Variants in PALD1 observed in about 807,000 individuals in gnomAD.
PALD1 encodes phosphatase domain containing paladin 1.
In PALD1, 57 loss-of-function variants were observed where a neutral mutation model predicts 96.0. That is an observed-to-expected ratio of 0.59 (90% CI 0.48 to 0.74). The LOEUF (loss-of-function observed/expected upper bound fraction) is 0.74. Ranked by LOEUF, PALD1 falls within the 30% of genes least tolerant of loss-of-function variation. PALD1 has a pLI of 0.00. For synonymous variants in PALD1, 464 were observed against 473.6 expected, an observed-to-expected ratio of 0.98 and a Z score of 0.26; for missense variants, 1,063 against 1,143.7, an observed-to-expected ratio of 0.93 and a Z score of 1.02.
At chr10:70,536,981 C>CT (rs1489966883) in intron 10 of PALD1, among the ~76,000 whole-genome samples, 2 of 152,200 alleles carry the variant, frequency 1.3e-5, no homozygotes, top group African/African-American at 4.8e-5. Context: ...AGCTGTGTGA[C>CT]TTTAAGGAAG....
At chr10:70,464,163 A>C in the PALD1 span, among the ~76,000 whole-genome samples, 1 of 150,204 alleles carries the variant, frequency 6.7e-6, no homozygotes, top group African/African-American at 2.5e-5. Flanking sequence ...CTGTCCCTGG[A>C]CTTCATATAA....
chr10:70,468,691 A>G, the PALD1 span, among the ~76,000 whole-genome samples: 10 of 143,624 alleles, frequency 7.0e-5, no homozygotes, highest in Non-Finnish European at 1.4e-4. Context: ...ACCCTAGCCC[A>G]TGAGGCAGGA....
Position 70,531,373 on chromosome 10 carries a change from C to T in PALD1, c.552C>T (p.Asp184=), listed in dbSNP as rs761612699. 3 of 1,614,052 alleles carry T rather than the reference C, an allele frequency of 1.9e-6. No homozygotes were observed. The East Asian group carries it at 6.7e-5, about 36-fold the overall frequency. ...DEDFVSYTPR[D]KQNLHENLQG... is the part of the protein sequence containing the mutation. ...ACTTTGTGTCCTACACACCTCGAGA[C>T]AAGCAGAACCTTCATGAGAACCTCC... The change falls in exon 5 of 20, where the codon GAC becomes GAT. Residue 184 remains aspartate (D), a synonymous_variant. Transcript: ENST00000263563.
chr10:70,503,080 A>G (rs915248378), intron 1 of PALD1, among the ~76,000 whole-genome samples: 8 of 151,802 alleles, frequency 5.3e-5, no homozygotes, highest in Admixed American at 1.3e-4. Context: ...GGGTTTCTCC[A>G]TGTTGGTCAG....
Position 70,541,512 on chromosome 10 carries a change from A to G in PALD1, c.2099A>G (p.Lys700Arg), listed in dbSNP as rs79311679. The change falls in exon 17 of 20, where the codon AAG (lysine) becomes AGG (arginine). Residue 700 changes from lysine (K) to arginine (R), a missense_variant. Coordinates refer to ENST00000263563, the MANE Select transcript of PALD1 (RefSeq NM_014431.3). ...GAGCTCGTGAGTGTGCCTGATGCCAAGTTCACTAAGGGTGAATTTCAGGTG... is the reference window on the plus strand; with the variant it reads ...GAGCTCGTGAGTGTGCCTGATGCCAGGTTCACTAAGGGTGAATTTCAGGTG... ...EEELVSVPDA[K>R]FTKGEFQVVM... 2,376 of 1,613,590 alleles carry G rather than the reference A, an allele frequency of 1.5e-3. 39 individuals carry two copies. In the African/African-American group the frequency reaches 0.028, roughly 19 times the overall value.
chr10:70,497,636 G>A (rs752736179), intron 1 of PALD1, among the ~76,000 whole-genome samples: 2 of 150,668 alleles, frequency 1.3e-5, no homozygotes, highest in Non-Finnish European at 1.5e-5. Context: ...GCGCGATCTC[G>A]GCCCACTGCA....
At chr10:70,556,606 C>T (rs1185018301) in intron 18 of PALD1, among the ~76,000 whole-genome samples, 1 of 152,152 alleles carries the variant, frequency 6.6e-6, no homozygotes, top group Non-Finnish European at 1.5e-5. Context: ...GTGTGAGCCA[C>T]CATACCTGGC....
chr10:70,532,810 C>G (rs376749708), intron 6 of PALD1, 29 bp downstream of exon 6: 2 of 1,610,532 alleles, frequency 1.2e-6, no homozygotes, highest in Non-Finnish European at 1.7e-6. Flanking sequence ...CAGCCCTGGC[C>G]ATGGGTGCTC....
Position 70,566,862 on chromosome 10 carries a change from T to C in PALD1, c.*129T>C. 1.6e-6 allele frequency: 1 copy of C among 625,098 alleles called. No homozygotes were observed. The highest frequency in any genetic ancestry group is 2.7e-6 in the Non-Finnish European group (1 of 365,492). 38.7% of individuals were successfully genotyped at this position (625,098 alleles called of 1,614,324 possible). On this transcript the variant is annotated 3_prime_UTR_variant, in exon 20 of 20. Coordinates refer to ENST00000263563, the MANE Select transcript of PALD1 (RefSeq NM_014431.3). ...TGATTCCCCCACTTCCTGGAGAGAC[T>C]GAGCGGAGTTGGGAGCCTTTTTAGA...
the PALD1 span, among the ~76,000 whole-genome samples, chr10:70,458,858 T>C: frequency 2.0e-5 from 3 of 152,198 alleles, no homozygotes; most frequent in African/African-American, 7.2e-5. Flanking sequence ...ATGTGCCTGC[T>C]TGGTAAATTG....
rs1023518186 is a variant in PALD1 at position 70,540,039 on chromosome 10, A to G, written c.1908+277A>G. On this transcript the variant is annotated intron_variant, in intron 15 of 19. Transcript: ENST00000263563. The surrounding 1 kb of genome is among the most constrained non-coding windows in gnomAD (Gnocchi z 4.2). ...AGTGTGTATTCTGTTACGTATGTGC[A>G]TATGTGTTATAAGATGTGTGTACAT... Among the ~76,000 whole-genome samples, 2 of 151,980 alleles carry G rather than the reference A, an allele frequency of 1.3e-5. No individual in the cohort carries two copies. The highest frequency in any genetic ancestry group is 4.8e-5 in the African/African-American group (2 of 41,414).
intron 4 of PALD1, among the ~76,000 whole-genome samples, chr10:70,530,447 GT>G (rs1846969432): frequency 6.6e-6 from 1 of 152,190 alleles, no homozygotes; most frequent in Non-Finnish European, 1.5e-5. Flanking sequence ...TGGAGTGGCA[GT>G]TTGTCTCCCA....
At chr10:70,522,407 C>G (rs1025216400) in intron 1 of PALD1, among the ~76,000 whole-genome samples, 1 of 152,148 alleles carries the variant, frequency 6.6e-6, no homozygotes, top group Non-Finnish European at 1.5e-5. Context: ...CGAAGCTGGC[C>G]AGGTGCGTCA....
chr10:70,462,773 C>A, the PALD1 span, among the ~76,000 whole-genome samples: 1 of 152,190 alleles, frequency 6.6e-6, no homozygotes, highest in Non-Finnish European at 1.5e-5. Flanking sequence ...ACTGGGCCTG[C>A]AGGCGGGGAC....
chr10:70,564,578 G>T, intron 19 of PALD1, 59 bp downstream of exon 19: 2 of 1,546,050 alleles, frequency 1.3e-6, no homozygotes, highest in Non-Finnish European at 8.9e-7. Context: ...ATGGAGCTGG[G>T]TCACAGCCAC....
intron 9 of PALD1, 26 bp downstream of exon 9, chr10:70,534,550 G>A (rs1330406273): frequency 1.9e-6 from 3 of 1,544,114 alleles, no homozygotes; most frequent in Non-Finnish European, 2.7e-6. Flanking sequence ...CAAAGGGCTG[G>A]GGCAGGGGTG....
the PALD1 span, among the ~76,000 whole-genome samples, chr10:70,465,172 C>T: frequency 2.6e-5 from 4 of 151,998 alleles, no homozygotes; most frequent in Admixed American, 1.3e-4. Flanking sequence ...GGCGGGGTTT[C>T]ACCATGTTAG....
At chr10:70,484,907 T>C (rs1375805778) in intron 1 of PALD1, among the ~76,000 whole-genome samples, 1 of 152,228 alleles carries the variant, frequency 6.6e-6, no homozygotes, top group African/African-American at 2.4e-5. Context: ...AATGCACACA[T>C]AGTATTGCTA....
In PALD1 at chr10:70,538,808, C is replaced by T. The variant is rs185228094; in HGVS notation, c.1453-84C>T. 231 of 1,134,664 alleles carry T rather than the reference C, an allele frequency of 2.0e-4. 1 individual carries two copies. The African/African-American group carries it at 3.0e-3, about 15-fold the overall frequency. The allele number at this position is 1,134,664 out of a possible 1,614,324, so 70.3% of individuals were successfully genotyped here. A position where few individuals can be genotyped will look rare whatever the true frequency, so the allele number is the denominator to read the frequency against. On this transcript the variant is annotated intron_variant, in intron 12 of 19. Coordinates refer to ENST00000263563, the MANE Select transcript of PALD1 (RefSeq NM_014431.3). ...GTGAAGCTCGGGTTCCACCCCACCC[C>T]CCGTCTGCCTTGGGCCAGGTCCTGA... is the stretch of plus-strand genomic sequence containing the variant.
Sources: gnomAD v4.1 joint callset for allele counts (sites outside exome capture counted in the v4.1 genomes callset) on GRCh38, gnomAD v4.1.1 for gene constraint, Gnocchi (gnomAD v3.1) non-coding constraint, MANE v1.5 for transcripts, NCBI Gene and HGNC (gene_info 2026-07-23, HGNC 2026-07-21) for gene names.